Variants in FAM3D observed in about 807,000 individuals in gnomAD.
FAM3D encodes protein FAM3D.
A neutral mutation model predicts 29.8 loss-of-function variants in FAM3D; 26 were observed. That is an observed-to-expected ratio of 0.87 (90% CI 0.64 to 1.21). FAM3D has a LOEUF of 1.21. Among genes scored for constraint, FAM3D ranks in the 50% most tolerant of loss-of-function variants. The pLI is 0.00. For synonymous variants in FAM3D, 115 were observed against 102.3 expected (o/e 1.12, Z -0.75); for missense variants, 253 against 290.9 (o/e 0.87, Z 0.95).
At chr3:58,640,454 G>A (rs1341413704) in intron 6 of FAM3D, among the ~76,000 whole-genome samples, 1 of 152,136 alleles carries the variant, frequency 6.6e-6, no homozygotes, top group Non-Finnish European at 1.5e-5. Flanking sequence ...TCTAACGCAG[G>A]ACTTAGCATT....
intron 6 of FAM3D, among the ~76,000 whole-genome samples, chr3:58,642,986 C>T (rs1240255217): frequency 6.6e-6 from 1 of 152,216 alleles, no homozygotes; most frequent in Non-Finnish European, 1.5e-5. Context: ...TGGAAAGAGC[C>T]TTCCCCAATT....
At chr3:58,649,797 C>T (rs1295802366) in intron 3 of FAM3D, among the ~76,000 whole-genome samples, 2 of 152,138 alleles carry the variant, frequency 1.3e-5, no homozygotes, top group Non-Finnish European at 2.9e-5. Flanking sequence ...TGCCCTAGTT[C>T]CTAGTATATG....
intron 2 of FAM3D, among the ~76,000 whole-genome samples, chr3:58,655,108 C>A (rs1033253250): frequency 1.3e-5 from 2 of 152,202 alleles, no homozygotes; most frequent in Non-Finnish European, 2.9e-5. Flanking sequence ...TGACTCCTTA[C>A]AGCTGTTCTA....
At position 58,634,506 on chromosome 3, in the gene FAM3D, C is replaced by A; in HGVS notation, c.586-138G>T. The A allele has an allele frequency of 1.4e-6, 1 of 697,974 alleles. No individual in the cohort carries two copies. Among genetic ancestry groups the A allele is most frequent in the Admixed American group, 2.9e-5 (1 of 34,900 alleles). The allele number at this position is 697,974 out of a possible 1,614,324, so 43.2% of individuals were successfully genotyped here. On this transcript the variant is annotated intron_variant, in intron 9 of 9. Transcript: ENST00000358781. This position sits in a 1 kb window ranked among gnomAD's most constrained non-coding sequence, Gnocchi z 4.6. ...CACTTCACAGATGGGGAAACTGAGG[C>A]TCAGAGAGGGGATGCAACTTGCTCA...
Position 58,660,804 on chromosome 3 carries a change from A to G in FAM3D, c.-38-5203T>C, listed in dbSNP as rs1397196595. ...ACGCCACATGCCAGATACTACCCTG[A>G]GACTCTGACTTATTTTAACTTGTTT... On this transcript the variant is annotated intron_variant, in intron 1 of 9. Transcript: ENST00000358781. Among the ~76,000 whole-genome samples, 6 of 152,310 alleles carry G rather than the reference A, an allele frequency of 3.9e-5. No homozygotes were observed. The East Asian group carries it at 1.2e-3, about 29-fold the overall frequency.
chr3:58,657,228 G>A lies in FAM3D; in HGVS notation c.-38-1627C>T, dbSNP rs547989151. ...CCATGTTAGAGGAGCCAGGAGAGTCGGTGGCCGGACAGGATGGAAGGACAG... is the reference window on the plus strand; with the variant it reads ...CCATGTTAGAGGAGCCAGGAGAGTCAGTGGCCGGACAGGATGGAAGGACAG... On this transcript the variant is annotated intron_variant, in intron 1 of 9. Coordinates refer to ENST00000358781, the MANE Select transcript of FAM3D (RefSeq NM_138805.3). Among the ~76,000 whole-genome samples the A allele has an allele frequency of 1.2e-3, 182 of 152,224 alleles. 8 individuals carry two copies. The South Asian group carries it at 0.037, about 31-fold the overall frequency.
intron 2 of FAM3D, among the ~76,000 whole-genome samples, chr3:58,654,297 TG>T (rs1422770561): frequency 3.9e-5 from 6 of 152,240 alleles, no homozygotes; most frequent in African/African-American, 9.6e-5. Context: ...GTAACACCCT[TG>T]CCCCTGAGCT....
rs979805036 is a variant in FAM3D, at chr3:58,635,185, A to G, written c.586-817T>C. Among the ~76,000 whole-genome samples the G allele has an allele frequency of 3.3e-5, 5 of 152,150 alleles. No individual in the cohort carries two copies. Among genetic ancestry groups the G allele is most frequent in the African/African-American group, 1.2e-4 (5 of 41,410 alleles). On this transcript the variant is annotated intron_variant, in intron 9 of 9. Transcript: ENST00000358781. The surrounding 1 kb of genome is among the most constrained non-coding windows in gnomAD (Gnocchi z 5.2). ...GCGAGACCCTATCTCTAAAATATAT[A>G]TATACTAGTAATAAGTATGTAAGAA...
intron 5 of FAM3D, 78 bp from the exon 6 acceptor site, chr3:58,643,798 C>G (rs2066402331): frequency 7.7e-7 from 1 of 1,304,314 alleles, no homozygotes; most frequent in South Asian, 1.2e-5. Flanking sequence ...CTGGGGAACT[C>G]CGTGAGGACC....
At chr3:58,638,511 A>C (rs2106725152) in intron 7 of FAM3D, among the ~76,000 whole-genome samples, 1 of 152,336 alleles carries the variant, frequency 6.6e-6, no homozygotes, top group Non-Finnish European at 1.5e-5. Flanking sequence ...ACTCTAATGG[A>C]ACCAAAAATT....
intron 5 of FAM3D, 84 bp downstream of exon 5, chr3:58,645,425 C>G (rs2066447043): frequency 8.9e-7 from 1 of 1,117,874 alleles, no homozygotes; most frequent in African/African-American, 1.5e-5. Flanking sequence ...CAGGCCAGCC[C>G]CTGCAGCCTC....
intron 1 of FAM3D, among the ~76,000 whole-genome samples, chr3:58,664,412 C>T (rs1004496524): frequency 1.2e-5 from 1 of 81,082 alleles, no homozygotes; most frequent in Admixed American, 1.3e-4. Context: ...GAGACAGTGT[C>T]TAATCATTTC....
intron 1 of FAM3D, among the ~76,000 whole-genome samples, chr3:58,665,537 G>GT (rs1222397533): frequency 6.6e-6 from 1 of 152,146 alleles, no homozygotes; most frequent in Non-Finnish European, 1.5e-5. Flanking sequence ...ACCTCATCTT[G>GT]TTAATCATTG....
intron 3 of FAM3D, among the ~76,000 whole-genome samples, chr3:58,653,052 C>A (rs536223512): frequency 6.6e-6 from 1 of 152,030 alleles, no homozygotes; most frequent in East Asian, 1.9e-4. Flanking sequence ...TGGATGCACA[C>A]AAAATAAAAT....
chr3:58,661,070 T>C (rs769288404), intron 1 of FAM3D, among the ~76,000 whole-genome samples: 7 of 152,216 alleles, frequency 4.6e-5, no homozygotes, highest in Non-Finnish European at 1.0e-4. Context: ...TCTGCCTTTG[T>C]AGGAGGAAAG....
intron 1 of FAM3D, among the ~76,000 whole-genome samples, chr3:58,660,527 T>C (rs2066910070): frequency 6.6e-6 from 1 of 152,138 alleles, no homozygotes. Flanking sequence ...CCATAAACAA[T>C]AAGACTAGTG....
chr3:58,637,086 G>A (rs1559494584), intron 8 of FAM3D, 55 bp downstream of exon 8: 2 of 1,468,882 alleles, frequency 1.4e-6, no homozygotes, highest in Admixed American at 1.7e-5. Flanking sequence ...TGCAGGGTTT[G>A]AAGGTATTCA....
At chr3:58,647,645 T>A (rs1373916343) in intron 4 of FAM3D, among the ~76,000 whole-genome samples, 2 of 152,236 alleles carry the variant, frequency 1.3e-5, no homozygotes, top group Non-Finnish European at 2.9e-5. Flanking sequence ...GCCTTCACAG[T>A]CACGCTGCTG....
chr3:58,640,093 C>T (rs766211447), intron 7 of FAM3D, 34 bp downstream of exon 7: 65 of 1,612,772 alleles, frequency 4.0e-5, no homozygotes, highest in African/African-American at 3.1e-4. Flanking sequence ...ACCGCACCCC[C>T]GACTGTGACT....
Sources: gnomAD v4.1 joint callset for allele counts (sites outside exome capture counted in the v4.1 genomes callset) on GRCh38, gnomAD v4.1.1 for gene constraint, Gnocchi (gnomAD v3.1) non-coding constraint, MANE v1.5 for transcripts, NCBI Gene and HGNC (gene_info 2026-07-23, HGNC 2026-07-21) for gene names.